ERI3: variants seen among roughly 807,000 people sequenced by gnomAD.
The protein encoded by ERI3 is ERI1 exoribonuclease 3.
Under a neutral mutation model 44.4 loss-of-function variants are expected in ERI3, and 18 were observed. The ratio of observed to expected loss-of-function variants is 0.41; its 90% confidence interval spans 0.28 to 0.60. The LOEUF (loss-of-function observed/expected upper bound fraction) is 0.60. ERI3 is among the 20% of genes least tolerant of loss of function. The pLI, the probability that ERI3 is intolerant of heterozygous loss-of-function variation, is 0.36. For synonymous variants in ERI3, 183 were observed against 164.8 expected (o/e 1.11, Z -0.84); for missense variants, 294 against 435.5 (o/e 0.68, Z 2.89).
chr1:44,334,018 G>T (rs7543015), intron 3 of ERI3, among the ~76,000 whole-genome samples: 2,744 of 152,316 alleles, frequency 0.018, 32 homozygotes, highest in African/African-American at 0.026. Context: ...ATGGGCACTT[G>T]AATACAGATG....
intron 8 of ERI3, among the ~76,000 whole-genome samples, chr1:44,247,042 T>C (rs1248907753): frequency 6.6e-6 from 1 of 152,134 alleles, no homozygotes; most frequent in African/African-American, 2.4e-5. Flanking sequence ...CACATGTGCA[T>C]ATGCAAACAA....
intron 3 of ERI3, among the ~76,000 whole-genome samples, chr1:44,331,624 G>A (rs977816936): frequency 6.6e-6 from 1 of 152,152 alleles, no homozygotes; most frequent in African/African-American, 2.4e-5. Context: ...AACTGATATA[G>A]ATAATCCAAC....
At chr1:44,301,043 G>T (rs1645714682) in intron 6 of ERI3, among the ~76,000 whole-genome samples, 1 of 147,370 alleles carries the variant, frequency 6.8e-6, no homozygotes, top group Non-Finnish European at 1.5e-5. Flanking sequence ...TCATTTCCCT[G>T]TCTGTGGGTT....
chr1:44,299,725 G>A (rs114571996), intron 6 of ERI3, among the ~76,000 whole-genome samples: 207 of 152,202 alleles, frequency 1.4e-3, no homozygotes, highest in East Asian at 6.8e-3. Context: ...AGTAGAGCCC[G>A]GGTCCCCCAC....
intron 6 of ERI3, among the ~76,000 whole-genome samples, chr1:44,291,865 C>T (rs185665678): frequency 6.6e-6 from 1 of 152,154 alleles, no homozygotes; most frequent in Admixed American, 6.5e-5. Context: ...GGAGAAGGCA[C>T]CTTGGGACTC....
intron 3 of ERI3, among the ~76,000 whole-genome samples, chr1:44,330,864 G>A (rs867107972): frequency 6.6e-6 from 1 of 152,160 alleles, no homozygotes; most frequent in Non-Finnish European, 1.5e-5. Flanking sequence ...ATGAGATACA[G>A]AGATGCAGAA....
At chr1:44,278,767 T>C (rs1439917398) in intron 7 of ERI3, among the ~76,000 whole-genome samples, 1 of 152,078 alleles carries the variant, frequency 6.6e-6, no homozygotes, top group Non-Finnish European at 1.5e-5. Flanking sequence ...ATCCGACTAA[T>C]TTTTTGTATT....
At chr1:44,341,304 T>G (rs531022769) in intron 2 of ERI3, among the ~76,000 whole-genome samples, 1 of 152,328 alleles carries the variant, frequency 6.6e-6, no homozygotes, top group African/African-American at 2.4e-5. Context: ...ACAACACATG[T>G]AAAGCACTAA....
chr1:44,269,527 A>G (rs1199039876), intron 7 of ERI3, among the ~76,000 whole-genome samples: 3 of 152,226 alleles, frequency 2.0e-5, no homozygotes, highest in African/African-American at 4.8e-5. Flanking sequence ...GACCTCCCCA[A>G]TTGGGTGAAT....
At chr1:44,326,891 A>G (rs1217227267) in intron 3 of ERI3, among the ~76,000 whole-genome samples, 1 of 152,204 alleles carries the variant, frequency 6.6e-6, no homozygotes. Context: ...ATTATAATTT[A>G]CCCTTATTGA....
rs977555747 is a variant in ERI3 at position 44,234,300 on chromosome 1, C to T, written c.932-12660G>A. 5.3e-5 allele frequency among the ~76,000 whole-genome samples: 8 copies of T among 152,212 alleles called. No homozygotes were observed. The South Asian group carries it at 6.2e-4, about 12-fold the overall frequency. Reference sequence around the variant, plus strand: ...CCACCATCATCTCCCATCTAGGTAACGGCAGTGCCCCTGCCAATCTTTCTT... The same window carrying T: ...CCACCATCATCTCCCATCTAGGTAATGGCAGTGCCCCTGCCAATCTTTCTT... On this transcript the variant is annotated intron_variant, in intron 8 of 8. Coordinates refer to ENST00000372257, the MANE Select transcript of ERI3 (RefSeq NM_024066.3).
intron 2 of ERI3, among the ~76,000 whole-genome samples, chr1:44,342,990 T>C (rs945771979): frequency 1.4e-5 from 2 of 147,094 alleles, no homozygotes; most frequent in Admixed American, 6.9e-5. Flanking sequence ...ATTACAGGCA[T>C]GGGCCACAGC....
chr1:44,230,301 A>G lies in ERI3; in HGVS notation c.932-8661T>C, dbSNP rs143781922. The stretch of plus-strand genomic sequence containing the variant: ...AGCCAAGGCCCCATCCAGGTAGAGG[A>G]GCCAGGAAGCCTCACCTTTCTCCTG... On this transcript the variant is annotated intron_variant, in intron 8 of 8. Coordinates refer to ENST00000372257, the MANE Select transcript of ERI3 (RefSeq NM_024066.3). The G allele has an allele frequency of 8.2e-3, 1,244 of 152,338 alleles. 4 individuals are homozygous for G. Among genetic ancestry groups the G allele is most frequent in the Non-Finnish European group, 0.014 (935 of 68,068 alleles). 9.4% of individuals were successfully genotyped at this position (152,338 alleles called of 1,614,324 possible). A position where few individuals can be genotyped will look rare whatever the true frequency, so the allele number is the denominator to read the frequency against.
At chr1:44,343,152 T>C (rs894721805) in intron 2 of ERI3, among the ~76,000 whole-genome samples, 15 of 151,640 alleles carry the variant, frequency 9.9e-5, no homozygotes, top group Admixed American at 4.6e-4. Flanking sequence ...CAAATAATGA[T>C]GGGAACATAC....
chr1:44,314,827 C>A (rs1253253245), intron 4 of ERI3, among the ~76,000 whole-genome samples: 2 of 152,230 alleles, frequency 1.3e-5, no homozygotes, highest in Non-Finnish European at 2.9e-5. Flanking sequence ...TGTAAAAACT[C>A]TGCCCTCATG....
intron 3 of ERI3, among the ~76,000 whole-genome samples, chr1:44,333,752 C>T (rs1646477476): frequency 6.6e-6 from 1 of 152,146 alleles, no homozygotes; most frequent in Admixed American, 6.5e-5. Context: ...GATGTGGCAA[C>T]TCTAGGTCAC....
At chr1:44,320,705 C>T (rs549170560) in intron 3 of ERI3, among the ~76,000 whole-genome samples, 2 of 152,110 alleles carry the variant, frequency 1.3e-5, no homozygotes, top group South Asian at 4.2e-4. Context: ...ATTTTTACCA[C>T]TTTGACATTT....
intron 3 of ERI3, among the ~76,000 whole-genome samples, chr1:44,321,888 G>A (rs181583641): frequency 6.6e-6 from 1 of 152,196 alleles, no homozygotes; most frequent in African/African-American, 2.4e-5. Flanking sequence ...GACAAGTGTT[G>A]GGACCTTTAA....
intron 2 of ERI3, among the ~76,000 whole-genome samples, chr1:44,342,746 A>G (rs1169059032): frequency 7.4e-6 from 1 of 135,704 alleles, no homozygotes; most frequent in Non-Finnish European, 1.6e-5. Context: ...TCCCACGCTC[A>G]AGCAATCTTC....
Sources: gnomAD v4.1 joint callset for allele counts (sites outside exome capture counted in the v4.1 genomes callset) on GRCh38, gnomAD v4.1.1 for gene constraint, MANE v1.5 for transcripts, NCBI Gene and HGNC (gene_info 2026-07-23, HGNC 2026-07-21) for gene names.